DTX1: variants seen among roughly 807,000 people sequenced by gnomAD.
DTX1 encodes deltex E3 ubiquitin ligase 1, also known as E3 ubiquitin-protein ligase DTX1.
In DTX1, 26 loss-of-function variants were observed where a neutral mutation model predicts 57.8. The observed-to-expected ratio is 0.45, with a 90% CI of 0.33 to 0.62. The LOEUF (loss-of-function observed/expected upper bound fraction) is 0.62, where lower values mean the gene tolerates loss of function less well. Among genes scored for constraint, DTX1 ranks in the 20% least tolerant of loss-of-function variants. DTX1 has a pLI of 0.02. For missense variants in DTX1, 704 were observed against 895.3 expected, an observed-to-expected ratio of 0.79 and a Z score of 2.73; for synonymous variants, 398 against 394.1, an observed-to-expected ratio of 1.01 and a Z score of -0.12.
At chr12:113,068,813 C>T (rs1319707832) in intron 2 of DTX1, among the ~76,000 whole-genome samples, 1 of 152,174 alleles carries the variant, frequency 6.6e-6, no homozygotes, top group Non-Finnish European at 1.5e-5. Flanking sequence ...GGGAGGAGGC[C>T]CCTGCAACAG....
At chr12:113,086,832 C>A (rs1177466903) in intron 3 of DTX1, among the ~76,000 whole-genome samples, 2 of 150,314 alleles carry the variant, frequency 1.3e-5, no homozygotes, top group Non-Finnish European at 3.0e-5. Context: ...CACCCTCCCC[C>A]ACTTTTCTGC....
chr12:113,084,665 A>G (rs1397930421), intron 3 of DTX1, among the ~76,000 whole-genome samples: 1 of 152,228 alleles, frequency 6.6e-6, no homozygotes, highest in African/African-American at 2.4e-5. Context: ...GATTACTGGC[A>G]TGAACCACTG....
chr12:113,095,474 T>G, intron 9 of DTX1, 60 bp downstream of exon 9: 1 of 1,594,198 alleles, frequency 6.3e-7, no homozygotes, highest in South Asian at 1.1e-5. Context: ...CAGCAACCAC[T>G]GGCCTGGGCC....
intron 2 of DTX1, among the ~76,000 whole-genome samples, chr12:113,068,007 C>G (rs2044715334): frequency 1.3e-5 from 2 of 152,104 alleles, no homozygotes; most frequent in South Asian, 4.2e-4. Flanking sequence ...CCACTGCAAT[C>G]CACCCTGGGC....
At chr12:113,070,934 A>G (rs2044734356) in intron 2 of DTX1, among the ~76,000 whole-genome samples, 1 of 152,234 alleles carries the variant, frequency 6.6e-6, no homozygotes. Flanking sequence ...GTGAGGATGG[A>G]ATGAGTGAGT....
intron 3 of DTX1, among the ~76,000 whole-genome samples, chr12:113,087,063 C>T (rs1028997316): frequency 6.6e-6 from 1 of 152,128 alleles, no homozygotes; most frequent in African/African-American, 2.4e-5. Flanking sequence ...TCCCTGCCCC[C>T]AACCATCTCC....
Position 113,058,182 on chromosome 12 carries a change from C to A in DTX1, c.-11C>A. ...ATAGTGGGGGACCTGGCCCCTGAGGCAGTGGCGGCCATGTCACGGCCAGGC... is the reference window on the plus strand; with the variant it reads ...ATAGTGGGGGACCTGGCCCCTGAGGAAGTGGCGGCCATGTCACGGCCAGGC... On this transcript the variant is annotated 5_prime_UTR_variant, in exon 2 of 10. Transcript: ENST00000548759. 1 of 1,590,866 alleles carries A rather than the reference C, an allele frequency of 6.3e-7. No individual in the cohort carries two copies. Among genetic ancestry groups the A allele is most frequent in the South Asian group, 1.1e-5 (1 of 88,968 alleles).
At position 113,095,200 on chromosome 12, in the gene DTX1, C is replaced by T; in HGVS notation, c.1545C>T (p.Ile515=). The change falls in exon 8 of 10, where the codon ATC becomes ATT. Residue 515 remains isoleucine (I), a synonymous_variant. Transcript: ENST00000548759. ...TCGTCTATGACATCCCCACAGGCAT[C>T]CAGGTGGGCTCCCCTTCCGCCTCTC... is the stretch of plus-strand genomic sequence containing the variant. ...IRIVYDIPTG[I]QGPEHPNPGK... The T allele has an allele frequency of 6.2e-7, 1 of 1,604,184 alleles. No individual in the cohort carries two copies. The highest frequency in any genetic ancestry group is 8.5e-7 in the Non-Finnish European group (1 of 1,171,946).
At chr12:113,064,053 C>T (rs954937179) in intron 2 of DTX1, among the ~76,000 whole-genome samples, 2 of 152,194 alleles carry the variant, frequency 1.3e-5, no homozygotes, top group African/African-American at 2.4e-5. Flanking sequence ...CCCTTGAGAG[C>T]GCTCTTGGGG....
In DTX1 at chr12:113,095,333, G is replaced by A. The variant is rs540417920; in HGVS notation, c.1557G>A (p.Glu519=). The change falls in exon 9 of 10, where the codon GAG becomes GAA. Residue 519 remains glutamate, a synonymous_variant. Coordinates refer to ENST00000548759, the MANE Select transcript of DTX1 (RefSeq NM_004416.3). Reference sequence around the variant, plus strand: ...ACTGTCCCTCTCTGCAGGGCCCTGAGCACCCCAACCCCGGGAAGAAGTTCA... The same window carrying A: ...ACTGTCCCTCTCTGCAGGGCCCTGAACACCCCAACCCCGGGAAGAAGTTCA... The part of the protein sequence containing the change: ...YDIPTGIQGP[E]HPNPGKKFTA... The A allele has an allele frequency of 1.5e-5, 24 of 1,613,970 alleles. No homozygotes were observed. The highest frequency in any genetic ancestry group is 2.2e-5 in the East Asian group (1 of 44,896).
In DTX1 at chr12:113,096,894, T is replaced by G; in HGVS notation, c.1818T>G (p.Ala606=). The change falls in exon 10 of 10, where the codon GCT becomes GCG. Residue 606 remains alanine (A), a synonymous_variant. Coordinates refer to ENST00000548759, the MANE Select transcript of DTX1 (RefSeq NM_004416.3). ...CTAGCTACCTAGACAACGTGCTGGCTGAGCTCACAGCCCAGGGCGTATCCG... is the reference window on the plus strand; with the variant it reads ...CTAGCTACCTAGACAACGTGCTGGCGGAGCTCACAGCCCAGGGCGTATCCG... ...PDASYLDNVL[A]ELTAQGVSEA... 1 of 1,613,312 alleles carries G rather than the reference T, an allele frequency of 6.2e-7. No individual in the cohort carries two copies. The highest frequency in any genetic ancestry group is 8.5e-7 in the Non-Finnish European group (1 of 1,180,034).
At chr12:113,070,805 C>T (rs530210056) in intron 2 of DTX1, among the ~76,000 whole-genome samples, 5 of 152,332 alleles carry the variant, frequency 3.3e-5, no homozygotes, top group Admixed American at 1.3e-4. Flanking sequence ...CTTTACTCCA[C>T]GAGTGTGGCA....
At position 113,093,434 on chromosome 12, in the gene DTX1, G is replaced by A; in HGVS notation, c.1004-105G>A. Reference sequence around the variant, plus strand: ...GGCTGAGTGGGTGGGGCCCAAGAGCGCAACCCTCCCACCCACCCGAGGGCC... The same window carrying A: ...GGCTGAGTGGGTGGGGCCCAAGAGCACAACCCTCCCACCCACCCGAGGGCC... On this transcript the variant is annotated intron_variant, in intron 4 of 9. Transcript: ENST00000548759. This position sits in a 1 kb window ranked among gnomAD's most constrained non-coding sequence, Gnocchi z 4.2. 8.9e-7 allele frequency: 1 copy of A among 1,124,216 alleles called. No individual in the cohort carries two copies. The highest frequency in any genetic ancestry group is 1.7e-5 in the South Asian group (1 of 60,398). 69.6% of individuals were successfully genotyped at this position (1,124,216 alleles called of 1,614,324 possible).
intron 3 of DTX1, among the ~76,000 whole-genome samples, chr12:113,082,473 T>C (rs1025079963): frequency 1.3e-5 from 2 of 152,140 alleles, no homozygotes; most frequent in African/African-American, 4.8e-5. Flanking sequence ...GTGCAGCCTA[T>C]GAGGGGAAAG....
intron 2 of DTX1, among the ~76,000 whole-genome samples, chr12:113,075,264 G>T (rs538434760): frequency 2.6e-5 from 4 of 152,362 alleles, no homozygotes; most frequent in Non-Finnish European, 5.9e-5. Flanking sequence ...AGGACTTGAA[G>T]TGAGGGCTGT....
At chr12:113,072,696 C>CTTTTTTTTTTTTT in intron 2 of DTX1, among the ~76,000 whole-genome samples, 1 of 71,108 alleles carries the variant, frequency 1.4e-5, no homozygotes, top group Non-Finnish European at 2.7e-5. Flanking sequence ...GAGAGATTTT[C>CTTTTTTTTTTTTT]TTTTTTTTTT....
intron 2 of DTX1, among the ~76,000 whole-genome samples, chr12:113,060,648 C>G (rs551190527): frequency 6.6e-6 from 1 of 152,172 alleles, no homozygotes; most frequent in East Asian, 1.9e-4. Flanking sequence ...TGGACAGCCA[C>G]GCAAAGAACT....
At chr12:113,080,156 A>G (rs771003813) in intron 3 of DTX1, among the ~76,000 whole-genome samples, 16 of 152,102 alleles carry the variant, frequency 1.1e-4, no homozygotes, top group African/African-American at 3.9e-4. Context: ...ATGGGGACAA[A>G]CAGAGGTGTG....
intron 2 of DTX1, among the ~76,000 whole-genome samples, chr12:113,058,940 G>A (rs141058125): frequency 1.4e-4 from 22 of 152,312 alleles, no homozygotes; most frequent in African/African-American, 5.3e-4. Context: ...TTTAAACTCA[G>A]AGCTGGGATT....
Sources: allele counts gnomAD v4.1 joint callset (sites outside exome capture counted in the v4.1 genomes callset), GRCh38; gene constraint gnomAD v4.1.1; non-coding constraint Gnocchi (gnomAD v3.1); transcripts MANE v1.5; gene names NCBI Gene and HGNC (gene_info 2026-07-23, HGNC 2026-07-21).